Variants in SYNE1 observed in about 807,000 individuals in gnomAD.
The protein encoded by SYNE1 is nesprin-1.
SYNE1 carries 616 observed loss-of-function variants against 1,111.0 expected under a neutral mutation model. The ratio of observed to expected loss-of-function variants is 0.55; its 90% CI spans 0.52 to 0.59. The LOEUF is 0.59. Among genes scored for constraint, SYNE1 ranks in the 20% least tolerant of loss-of-function variants. The pLI is 0.00. For missense variants in SYNE1, 10,006 were observed against 10,417.0 expected, an observed-to-expected ratio of 0.96 and a Z score of 1.72; for synonymous variants, 3,855 against 3,825.8, an observed-to-expected ratio of 1.01 and a Z score of -0.28.
At chr6:152,210,509 G>A (rs1322964932) in intron 124 of SYNE1, among the ~76,000 whole-genome samples, 1 of 152,094 alleles carries the variant, frequency 6.6e-6, no homozygotes, top group Non-Finnish European at 1.5e-5. Context: ...GTTGTTCCAA[G>A]CTTAACCATG....
chr6:152,253,786 TGGCTAATGCTACA>T, intron 104 of SYNE1, among the ~76,000 whole-genome samples: 1 of 149,164 alleles, frequency 6.7e-6, no homozygotes, highest in Non-Finnish European at 1.5e-5. Flanking sequence ...CCATGTTTCT[TGGCTAATGCTACA>T]TTTATGTGTA....
chr6:152,322,723 A>G (rs1217045741), intron 82 of SYNE1, among the ~76,000 whole-genome samples: 2 of 152,124 alleles, frequency 1.3e-5, no homozygotes, highest in Non-Finnish European at 2.9e-5. Context: ...GAGCTCCTTG[A>G]AAGTGACACG....
intron 6 of SYNE1, among the ~76,000 whole-genome samples, chr6:152,519,800 A>G (rs962396172): frequency 2.0e-5 from 3 of 152,198 alleles, no homozygotes; most frequent in African/African-American, 7.2e-5. Context: ...CTACCATAGG[A>G]AAGCATGGCA....
chr6:152,413,504 A>G lies in SYNE1; in HGVS notation c.6078T>C (p.Asp2026=). ...GTTCATGCTCGTGAGAATTCAATTC[A>G]TCTTCTAGCTGATTAAACACTCTTA... The part of the protein sequence containing the change: ...QRLRVFNQLE[D]ELNSHEHELC... Residue 2026 remains aspartate, a synonymous_variant, in exon 42 of 146, where the codon GAT becomes GAC. Coordinates refer to ENST00000367255, the MANE Select transcript of SYNE1 (RefSeq NM_182961.4). 6.2e-7 allele frequency: 1 copy of G among 1,614,184 alleles called. No homozygotes were observed. The highest frequency in any genetic ancestry group is 8.5e-7 in the Non-Finnish European group (1 of 1,180,020).
At chr6:152,428,464 A>G in intron 36 of SYNE1, 72 bp from the exon 37 acceptor site, 1 of 1,459,180 alleles carries the variant, frequency 6.9e-7, no homozygotes, top group Admixed American at 1.7e-5. Context: ...TTTGACACCG[A>G]TCATCGCAAA....
chr6:152,409,277 A>G (rs2097965883), intron 43 of SYNE1, 51 bp from the exon 44 acceptor site: 1 of 1,567,174 alleles, frequency 6.4e-7, no homozygotes, highest in Non-Finnish European at 8.8e-7. Context: ...ATAAGTCATG[A>G]GTTTAAAACC....
chr6:152,622,294 G>A (rs1012330127), intron 3 of SYNE1, among the ~76,000 whole-genome samples: 2 of 152,018 alleles, frequency 1.3e-5, no homozygotes, highest in East Asian at 1.9e-4. Flanking sequence ...TAAGTTTAGG[G>A]GTACATGTGC....
At chr6:152,197,155 G>A (rs1265028028) in intron 127 of SYNE1, among the ~76,000 whole-genome samples, 1 of 152,188 alleles carries the variant, frequency 6.6e-6, no homozygotes, top group African/African-American at 2.4e-5. Flanking sequence ...AAGAGGTGGT[G>A]TGGGCAATCC....
At chr6:152,570,634 T>C (rs1457084650) in intron 3 of SYNE1, among the ~76,000 whole-genome samples, 1 of 152,188 alleles carries the variant, frequency 6.6e-6, no homozygotes, top group Non-Finnish European at 1.5e-5. Flanking sequence ...AACTTCGGGA[T>C]GGGTGGTGTG....
intron 126 of SYNE1, among the ~76,000 whole-genome samples, chr6:152,202,371 C>A (rs149479151): frequency 2.4e-3 from 262 of 110,528 alleles, no homozygotes; most frequent in Middle Eastern, 5.6e-3. Context: ...AAAAAAAAAG[C>A]AAAAAAAAAA....
intron 3 of SYNE1, among the ~76,000 whole-genome samples, chr6:152,573,081 GAGA>G (rs1488291257): frequency 6.6e-6 from 1 of 152,106 alleles, no homozygotes; most frequent in African/African-American, 2.4e-5. Flanking sequence ...GGTAAAGAAA[GAGA>G]AAGGAATACT....
chr6:152,535,759 A>G, intron 4 of SYNE1, among the ~76,000 whole-genome samples: 1 of 152,208 alleles, frequency 6.6e-6, no homozygotes, highest in East Asian at 1.9e-4. Context: ...CTTTTTACAA[A>G]GGGTTTTTAA....
At chr6:152,239,411 G>A (rs368505113) in intron 108 of SYNE1, 122 bp downstream of exon 108, 19 of 1,180,608 alleles carry the variant, frequency 1.6e-5, no homozygotes, top group East Asian at 4.8e-5. Context: ...TCCTGAGCCC[G>A]AGAGCGCAGC....
intron 95 of SYNE1, among the ~76,000 whole-genome samples, chr6:152,288,890 G>A (rs1416071733): frequency 6.6e-6 from 1 of 152,124 alleles, no homozygotes; most frequent in Admixed American, 6.6e-5. Flanking sequence ...TCATGCTTGA[G>A]TTTACTCTTA....
chr6:152,606,914 A>C (rs1001869526), intron 3 of SYNE1, among the ~76,000 whole-genome samples: 1 of 150,408 alleles, frequency 6.6e-6, no homozygotes, highest in African/African-American at 2.5e-5. Flanking sequence ...TTGGCCTCCC[A>C]AAGTACTGGG....
intron 96 of SYNE1, 63 bp downstream of exon 96, chr6:152,283,915 T>G (rs1450147217): frequency 1.5e-6 from 2 of 1,323,700 alleles, no homozygotes; most frequent in African/African-American, 2.9e-5. Context: ...ACCCACATAC[T>G]TGGTAACACA....
chr6:152,406,564 A>G (rs116722545), intron 45 of SYNE1, among the ~76,000 whole-genome samples: 4 of 152,006 alleles, frequency 2.6e-5, no homozygotes, highest in African/African-American at 4.8e-5. Flanking sequence ...ATGCTCTTCT[A>G]TGTCTCTAAA....
Position 152,455,949 on chromosome 6 carries a change from C to T in SYNE1, c.2664G>A (p.Val888=). 1 of 1,614,120 alleles carries T rather than the reference C, an allele frequency of 6.2e-7. No individual in the cohort carries two copies. Among genetic ancestry groups the T allele is most frequent in the Non-Finnish European group, 8.5e-7 (1 of 1,180,002 alleles). ...SVQKFVTLSN[V]LKHFDQTRLQ... ...GCCTCGTCTGATCAAAATGCTTTAA[C>T]ACGTTGCTCAAGGTCACAAACTTTT... Residue 888 remains valine, a synonymous_variant, in exon 23 of 146, where the codon GTG becomes GTA. Transcript: ENST00000367255.
intron 4 of SYNE1, among the ~76,000 whole-genome samples, chr6:152,528,174 T>C (rs1009328935): frequency 2.6e-5 from 4 of 152,180 alleles, no homozygotes; most frequent in Admixed American, 6.5e-5. Context: ...CAATCCTGAG[T>C]CCTTTGTTCT....
Sources: allele counts gnomAD v4.1 joint callset (sites outside exome capture counted in the v4.1 genomes callset), GRCh38; gene constraint gnomAD v4.1.1; transcripts MANE v1.5; gene names NCBI Gene and HGNC (gene_info 2026-07-23, HGNC 2026-07-21).